DNAH12: variants seen among roughly 807,000 people sequenced by gnomAD.
DNAH12 encodes axonemal beta dynein heavy chain 12.
A neutral mutation model predicts 371.5 loss-of-function variants in DNAH12; 285 were observed. That is an observed-to-expected ratio of 0.77 (90% CI 0.70 to 0.85). DNAH12 has a LOEUF of 0.85. Among genes scored for constraint, DNAH12 ranks in the 40% least tolerant of loss-of-function variants. The probability of loss-of-function intolerance (pLI) is 0.00; values close to 1 mark genes in which losing one functional copy is unlikely to be tolerated. For synonymous variants in DNAH12, 1,200 were observed against 1,213.0 expected (o/e 0.99, Z 0.22); for missense variants, 3,611 against 3,689.4 (o/e 0.98, Z 0.55).
intron 18 of DNAH12, among the ~76,000 whole-genome samples, chr3:57,462,384 TG>T (rs923075306): frequency 3.7e-4 from 56 of 152,278 alleles, no homozygotes; most frequent in African/African-American, 1.2e-3. Context: ...CCTGAGTAGC[TG>T]GGATTACAGG....
chr3:57,317,639 C>T (rs4681973), intron 65 of DNAH12, among the ~76,000 whole-genome samples: 48,902 of 151,916 alleles, frequency 0.32, 8,715 homozygotes, highest in African/African-American at 0.46. Context: ...GCAATGAACA[C>T]TGGCCTGCTA....
intron 25 of DNAH12, among the ~76,000 whole-genome samples, chr3:57,448,625 G>A (rs574836044): frequency 3.3e-5 from 5 of 152,328 alleles, no homozygotes; most frequent in African/African-American, 9.6e-5. Flanking sequence ...TGTTGCCAAT[G>A]CTGGCTCAGG....
intron 45 of DNAH12, among the ~76,000 whole-genome samples, chr3:57,389,822 G>GTT (rs1326306277): frequency 4.4e-5 from 2 of 45,856 alleles, no homozygotes; most frequent in Non-Finnish European, 1.4e-4. Context: ...GTGTGTGTGT[G>GTT]TATATATATA....
intron 62 of DNAH12, 112 bp from the exon 63 acceptor site, chr3:57,323,731 G>A (rs1334298106): frequency 9.0e-7 from 1 of 1,116,722 alleles, no homozygotes; most frequent in East Asian, 2.8e-5. Flanking sequence ...GTCAAAAAAA[G>A]CATATAGCAT....
chr3:57,514,777 T>A (rs1421792601), intron 4 of DNAH12, among the ~76,000 whole-genome samples: 4 of 152,174 alleles, frequency 2.6e-5, no homozygotes, highest in Admixed American at 2.0e-4. Context: ...AAGTTATTAA[T>A]AATTACCTAG....
chr3:57,454,019 G>A (rs1575623622), intron 23 of DNAH12, among the ~76,000 whole-genome samples: 2 of 152,250 alleles, frequency 1.3e-5, no homozygotes, highest in East Asian at 3.9e-4. Context: ...TGAGGCAACA[G>A]GATAGCTTGA....
intron 17 of DNAH12, among the ~76,000 whole-genome samples, chr3:57,466,207 T>C (rs932092376): frequency 6.6e-6 from 1 of 152,108 alleles, no homozygotes; most frequent in Non-Finnish European, 1.5e-5. Flanking sequence ...TAATATACAT[T>C]GTATGCTACA....
At chr3:57,358,741 C>T (rs1293095069) in intron 58 of DNAH12, among the ~76,000 whole-genome samples, 6 of 152,088 alleles carry the variant, frequency 3.9e-5, no homozygotes, top group Non-Finnish European at 7.4e-5. Context: ...ATTCAAATGT[C>T]ATTTTGCAAT....
At chr3:57,503,694 A>C (rs2067644130) in intron 9 of DNAH12, among the ~76,000 whole-genome samples, 1 of 152,144 alleles carries the variant, frequency 6.6e-6, no homozygotes, top group Admixed American at 6.6e-5. Flanking sequence ...GCTGACAAAT[A>C]TTTATTGACA....
In DNAH12 at chr3:57,543,006, T is replaced by C. The variant is rs1424001790; in HGVS notation, c.-33-103A>G. ...ACCAAAAGTAAAATTCTAGACACTT[T>C]TGGATCTTCCTCCCAAGTATGGTAT... On this transcript the variant is annotated intron_variant, in intron 1 of 73. Coordinates refer to ENST00000495027, the MANE Select transcript of DNAH12 (RefSeq NM_001366028.2). 4.7e-6 allele frequency: 4 copies of C among 842,330 alleles called. No homozygotes were observed. The African/African-American group carries it at 5.3e-5, about 11-fold the overall frequency. 52.2% of individuals were successfully genotyped at this position (842,330 alleles called of 1,614,324 possible).
intron 70 of DNAH12, among the ~76,000 whole-genome samples, chr3:57,300,538 C>A (rs909457059): frequency 2.0e-5 from 3 of 151,346 alleles, no homozygotes; most frequent in Non-Finnish European, 3.0e-5. Flanking sequence ...ACACACACAC[C>A]CACACACACC....
Position 57,378,861 on chromosome 3 carries a change from A to C in DNAH12, c.8223+297T>G, listed in dbSNP as rs1004968110. On this transcript the variant is annotated intron_variant, in intron 52 of 73. Transcript: ENST00000495027. ...TTAGATTTTTCTTTGCTTCTGCCTC[A>C]TCAAATCTTAATTCCGTTTTCTCCT... Among the ~76,000 whole-genome samples, 284 of 152,246 alleles carry C rather than the reference A, an allele frequency of 1.9e-3. 5 individuals are homozygous for C. The highest frequency in any genetic ancestry group is 5.4e-4 in the Non-Finnish European group (37 of 68,016).
rs1288787301 is a variant in DNAH12 at position 57,322,428 on chromosome 3, C to G, written c.10439G>C (p.Gly3480Ala). The G allele has an allele frequency of 1.3e-6, 2 of 1,552,170 alleles. No homozygotes were observed. The highest frequency in any genetic ancestry group is 3.9e-5 in the Admixed American group (2 of 50,988). ...GVKMTNEPPT[G>A]LRLNLLQSYL... Reference sequence around the variant, plus strand: ...TGATTGAAGGAGATTCAGCCGAAGACCCGTGGGAGGTTCATTAGTCATTTT... The same window carrying G: ...TGATTGAAGGAGATTCAGCCGAAGAGCCGTGGGAGGTTCATTAGTCATTTT... The change falls in exon 65 of 74, where the codon GGT (glycine) becomes GCT (alanine). Residue 3480 changes from glycine to alanine, a missense_variant. By Grantham distance (60) the Gly-to-Ala change is moderately conservative (BLOSUM62 0). This residue lies in a region of DNAH12 where 2,266 missense variants were observed against 2,236.9 expected (regional missense o/e 1.01). Coordinates refer to ENST00000495027, the MANE Select transcript of DNAH12 (RefSeq NM_001366028.2).
At chr3:57,330,122 A>T (rs1245836899) in intron 62 of DNAH12, among the ~76,000 whole-genome samples, 6 of 152,044 alleles carry the variant, frequency 3.9e-5, no homozygotes, top group African/African-American at 1.5e-4. Flanking sequence ...GTGGGACTGT[A>T]AACTAGTTCA....
intron 5 of DNAH12, among the ~76,000 whole-genome samples, chr3:57,509,840 C>T (rs114219816): frequency 0.012 from 1,466 of 118,658 alleles, 13 homozygotes; most frequent in Non-Finnish European, 0.016. Context: ...CTATTCTGGG[C>T]GACAGAGTGA....
the DNAH12 span, among the ~76,000 whole-genome samples, chr3:57,551,478 A>T: frequency 1.3e-5 from 2 of 151,792 alleles, no homozygotes; most frequent in African/African-American, 4.8e-5. Flanking sequence ...TCGCCGTGTT[A>T]GCCAGGATGG....
rs573119589 is a variant in DNAH12, at chr3:57,453,075, A to G, written c.3614-60T>C. ...CTTAAATGGAAATAATTTTAAAAAG[A>G]AGTATTTTATCTTTTATAACAGCAA... On this transcript the variant is annotated intron_variant, in intron 24 of 73. Transcript: ENST00000495027. 8.0e-6 allele frequency: 12 copies of G among 1,492,460 alleles called. No individual in the cohort carries two copies. In the South Asian group the frequency reaches 1.2e-4, roughly 15 times the overall value. 92.5% of individuals were successfully genotyped at this position (1,492,460 alleles called of 1,614,324 possible). A position where few individuals can be genotyped will look rare whatever the true frequency, so the allele number is the denominator to read the frequency against.
intron 45 of DNAH12, among the ~76,000 whole-genome samples, chr3:57,389,822 G>GTGTC (rs1326306277): frequency 2.2e-5 from 1 of 45,862 alleles, no homozygotes; most frequent in Admixed American, 2.5e-4. Flanking sequence ...GTGTGTGTGT[G>GTGTC]TATATATATA....
chr3:57,486,652 T>A (rs947568200), intron 12 of DNAH12, among the ~76,000 whole-genome samples: 2 of 152,036 alleles, frequency 1.3e-5, no homozygotes, highest in East Asian at 3.9e-4. Flanking sequence ...CCTGCCCTCA[T>A]AAAGCTTGTA....
Sources: gnomAD v4.1 joint callset for allele counts (sites outside exome capture counted in the v4.1 genomes callset) on GRCh38, gnomAD v4.1.1 for gene constraint, gnomAD v4.1.1 regional missense constraint, MANE v1.5 for transcripts, NCBI Gene and HGNC (gene_info 2026-07-23, HGNC 2026-07-21) for gene names.